Variants in FGF14 observed in about 807,000 individuals in gnomAD.
FGF14 encodes fibroblast growth factor homologous factor 4.
Under a neutral mutation model 25.5 loss-of-function variants are expected in FGF14, and 5 were observed. The ratio of observed to expected loss-of-function variants is 0.20; its 90% CI spans 0.10 to 0.41. The LOEUF (loss-of-function observed/expected upper bound fraction) is 0.41. Ranked by LOEUF, FGF14 falls within the 10% of genes least tolerant of loss-of-function variation. The probability of loss-of-function intolerance (pLI) is 1.00; values close to 1 mark genes in which losing one functional copy is unlikely to be tolerated. For missense variants in FGF14, 222 were observed against 320.1 expected (o/e 0.69, Z 2.34); for synonymous variants, 138 against 118.3 (o/e 1.17, Z -1.08).
At chr13:101,896,001 A>G (rs2030603285) in intron 1 of FGF14, among the ~76,000 whole-genome samples, 1 of 152,162 alleles carries the variant, frequency 6.6e-6, no homozygotes, top group East Asian at 1.9e-4. Flanking sequence ...TTGGTTTGAT[A>G]TCAAGTATTT....
intron 1 of FGF14, among the ~76,000 whole-genome samples, chr13:102,235,622 ATTTG>A (rs1337226795): frequency 6.6e-6 from 1 of 152,184 alleles, no homozygotes; most frequent in Non-Finnish European, 1.5e-5. Flanking sequence ...AGGGAAGAAA[ATTTG>A]TTTATTTTTT....
intron 1 of FGF14, among the ~76,000 whole-genome samples, chr13:102,298,180 A>C (rs2054830283): frequency 6.6e-6 from 1 of 152,170 alleles, no homozygotes; most frequent in African/African-American, 2.4e-5. Context: ...AAAAAAACTC[A>C]TGAAAATCAA....
intron 1 of FGF14, among the ~76,000 whole-genome samples, chr13:102,063,334 T>C (rs150052296): frequency 1.3e-5 from 2 of 152,270 alleles, no homozygotes; most frequent in Admixed American, 1.3e-4. Flanking sequence ...TAAGTAGTTG[T>C]GTTATAAATT....
chr13:101,821,200 G>A (rs1384259302), intron 3 of FGF14, among the ~76,000 whole-genome samples: 3 of 152,112 alleles, frequency 2.0e-5, no homozygotes, highest in Admixed American at 6.6e-5. Flanking sequence ...CACCCGCCTC[G>A]GCCTCCCAAA....
intron 1 of FGF14, among the ~76,000 whole-genome samples, chr13:102,401,230 C>T (rs2058697354): frequency 6.6e-6 from 1 of 151,426 alleles, no homozygotes; most frequent in African/African-American, 2.4e-5. Flanking sequence ...AAAAAAGTTT[C>T]CTCCTCCCTC....
intron 1 of FGF14, among the ~76,000 whole-genome samples, chr13:101,884,137 C>T (rs1441905070): frequency 7.1e-6 from 1 of 140,550 alleles, no homozygotes; most frequent in East Asian, 2.1e-4. Context: ...GCAAGAGCAA[C>T]ACAAAAAGGA....
chr13:102,276,648 TC>T, intron 1 of FGF14, among the ~76,000 whole-genome samples: 2 of 152,222 alleles, frequency 1.3e-5, no homozygotes, highest in South Asian at 4.1e-4. Context: ...CGGTATGCAG[TC>T]TTCTTTCTGA....
At chr13:102,331,047 C>A (rs528946909) in intron 1 of FGF14, among the ~76,000 whole-genome samples, 1 of 152,094 alleles carries the variant, frequency 6.6e-6, no homozygotes, top group African/African-American at 2.4e-5. Context: ...GGTGCTTGGA[C>A]GTGTCATTGA....
chr13:101,952,963 G>A (rs2036269530), intron 1 of FGF14, among the ~76,000 whole-genome samples: 1 of 152,146 alleles, frequency 6.6e-6, no homozygotes, highest in South Asian at 2.1e-4. Flanking sequence ...GAACCCGGGA[G>A]GTAGAGGTTG....
chr13:102,265,308 C>T (rs2052933899), intron 1 of FGF14, among the ~76,000 whole-genome samples: 1 of 152,094 alleles, frequency 6.6e-6, no homozygotes, highest in African/African-American at 2.4e-5. Context: ...AACAGAACTG[C>T]CAGGTTCATT....
chr13:102,008,376 T>G (rs187235290), intron 1 of FGF14, among the ~76,000 whole-genome samples: 11 of 152,350 alleles, frequency 7.2e-5, no homozygotes, highest in Admixed American at 6.5e-4. Context: ...TTCTGTTGAC[T>G]GTTCATTTGA....
upstream of FGF14, among the ~76,000 whole-genome samples, chr13:101,919,848 CTCTT>C (rs1292370599): frequency 1.3e-5 from 2 of 152,060 alleles, no homozygotes; most frequent in South Asian, 2.1e-4. Flanking sequence ...CCGAGAGATA[CTCTT>C]TCTTTCTCGA....
At chr13:102,385,132 A>G (rs1460672351) in intron 1 of FGF14, among the ~76,000 whole-genome samples, 1 of 152,238 alleles carries the variant, frequency 6.6e-6, no homozygotes, top group Non-Finnish European at 1.5e-5. Flanking sequence ...AATTATTCAG[A>G]ACATTTTTCG....
At chr13:102,256,179 G>A (rs1203448262) in intron 1 of FGF14, among the ~76,000 whole-genome samples, 1 of 151,980 alleles carries the variant, frequency 6.6e-6, no homozygotes, top group Non-Finnish European at 1.5e-5. Context: ...TGAAAAGATT[G>A]AGAACAGGTC....
chr13:101,836,472 A>T (rs896790000), intron 3 of FGF14, among the ~76,000 whole-genome samples: 2 of 152,108 alleles, frequency 1.3e-5, no homozygotes, highest in Non-Finnish European at 2.9e-5. Flanking sequence ...AAAAGTGAGG[A>T]CCTACCTGAG....
At chr13:102,064,635 G>A (rs535668484) in intron 1 of FGF14, among the ~76,000 whole-genome samples, 7 of 151,992 alleles carry the variant, frequency 4.6e-5, no homozygotes, top group African/African-American at 7.2e-5. Context: ...TCAAATTTGT[G>A]TAAGTCTTTT....
intron 1 of FGF14, among the ~76,000 whole-genome samples, chr13:101,891,275 T>C (rs1010587807): frequency 3.3e-5 from 5 of 152,154 alleles, no homozygotes; most frequent in African/African-American, 1.2e-4. Flanking sequence ...TCACATCACA[T>C]TGGCCTTCCC....
At chr13:102,219,302 C>T (rs539294869) in intron 1 of FGF14, among the ~76,000 whole-genome samples, 20 of 152,274 alleles carry the variant, frequency 1.3e-4, no homozygotes, top group Non-Finnish European at 2.6e-4. Flanking sequence ...CCATTGCCTG[C>T]TTACATGGAG....
intron 1 of FGF14, among the ~76,000 whole-genome samples, chr13:102,204,085 A>T (rs947777898): frequency 1.3e-5 from 2 of 152,196 alleles, no homozygotes; most frequent in Non-Finnish European, 2.9e-5. Context: ...TGGAAACTGA[A>T]TTCATGGCAA....
Sources: gnomAD v4.1 joint callset for allele counts (sites outside exome capture counted in the v4.1 genomes callset) on GRCh38, gnomAD v4.1.1 for gene constraint, MANE v1.5 for transcripts, NCBI Gene and HGNC (gene_info 2026-07-23, HGNC 2026-07-21) for gene names.